Variants in PDGFD observed in about 807,000 individuals in gnomAD.
PDGFD encodes platelet-derived growth factor D.
Under a neutral mutation model 44.7 loss-of-function variants are expected in PDGFD, and 30 were observed. The ratio of observed to expected loss-of-function variants is 0.67; its 90% confidence interval spans 0.50 to 0.91. The LOEUF is 0.91. Ranked by LOEUF, PDGFD falls within the 40% of genes least tolerant of loss-of-function variation. The pLI, the probability that PDGFD is intolerant of heterozygous loss-of-function variation, is 0.00. For missense variants in PDGFD, 445 were observed against 457.8 expected, an observed-to-expected ratio of 0.97 and a Z score of 0.25; for synonymous variants, 173 against 168.4, an observed-to-expected ratio of 1.03 and a Z score of -0.21.
rs759734137 is a variant in PDGFD at position 104,141,334 on chromosome 11, A to AT, written c.124+22469dup. Among the ~76,000 whole-genome samples the AT allele has an allele frequency of 9.2e-5, 14 of 152,046 alleles. No individual in the cohort carries two copies. In the East Asian group the frequency reaches 2.5e-3, roughly 27 times the overall value. ...CTTAGATGGCAAAAGATGAGATTTA[A>AT]TTTTTTTTGTGCTTGCTTCGGCAGC... On this transcript the variant is annotated intron_variant, in intron 1 of 6. Coordinates refer to ENST00000393158, the MANE Select transcript of PDGFD (RefSeq NM_025208.5).
chr11:104,036,754 C>A, intron 1 of PDGFD: 3 of 1,298,640 alleles, frequency 2.3e-6, no homozygotes, highest in Non-Finnish European at 3.3e-6. Flanking sequence ...ACCAACGACG[C>A]AGGCCCGCCC....
At chr11:104,132,277 C>T (rs1043666223) in intron 1 of PDGFD, among the ~76,000 whole-genome samples, 7 of 152,052 alleles carry the variant, frequency 4.6e-5, no homozygotes, top group African/African-American at 1.7e-4. Flanking sequence ...TGAAACCTTG[C>T]ATATTTTTAA....
In PDGFD at chr11:104,097,741, T is replaced by C. The variant is rs141239067; in HGVS notation, c.124+66063A>G. 5.3e-3 allele frequency among the ~76,000 whole-genome samples: 814 copies of C among 152,296 alleles called. 4 individuals carry two copies. The highest frequency in any genetic ancestry group is 7.9e-3 in the Non-Finnish European group (537 of 68,022). On this transcript the variant is annotated intron_variant, in intron 1 of 6. Coordinates refer to ENST00000393158, the MANE Select transcript of PDGFD (RefSeq NM_025208.5). ...GAAGAAGATGCAGCTGTTATCCTCC[T>C]TTTACATATGAAGAAATGGAGGCTT...
At chr11:103,931,322 TCTC>T (rs1858395816) in intron 5 of PDGFD, among the ~76,000 whole-genome samples, 1 of 152,126 alleles carries the variant, frequency 6.6e-6, no homozygotes, top group Non-Finnish European at 1.5e-5. Context: ...AACAAAATAA[TCTC>T]CTCACTTTGA....
chr11:104,027,544 C>T (rs1220353544), intron 1 of PDGFD, among the ~76,000 whole-genome samples: 2 of 152,260 alleles, frequency 1.3e-5, no homozygotes, highest in African/African-American at 4.8e-5. Context: ...TAATGAGGCT[C>T]GGATAAATTA....
At chr11:103,996,780 C>A (rs1455730070) in intron 2 of PDGFD, among the ~76,000 whole-genome samples, 3 of 152,128 alleles carry the variant, frequency 2.0e-5, no homozygotes, top group Non-Finnish European at 4.4e-5. Context: ...TGGAAACGAT[C>A]TTTTGGAATG....
intron 1 of PDGFD, among the ~76,000 whole-genome samples, chr11:104,160,638 A>T (rs568096917): frequency 6.6e-6 from 1 of 152,320 alleles, no homozygotes; most frequent in East Asian, 1.9e-4. Flanking sequence ...AAATGTAAAC[A>T]TTCTATTAAG....
chr11:104,038,123 C>T (rs1333033644), intron 1 of PDGFD: 4 of 1,167,446 alleles, frequency 3.4e-6, no homozygotes, highest in Non-Finnish European at 4.8e-6. Flanking sequence ...AACAACTAAA[C>T]CTGGCCTTGG....
At position 103,998,795 on chromosome 11, in the gene PDGFD, A is replaced by T. The variant is rs144456167; in HGVS notation, c.329+1256T>A. Among the ~76,000 whole-genome samples, 799 of 152,224 alleles carry T rather than the reference A, an allele frequency of 5.2e-3. 10 individuals are homozygous for T. Among genetic ancestry groups the T allele is most frequent in the African/African-American group, 0.018 (749 of 41,510 alleles). The stretch of plus-strand genomic sequence containing the variant: ...TGACACTGATTCCAGGTAGTGTCTG[A>T]ATTGAATTGAATAGGACAAAACAAG... On this transcript the variant is annotated intron_variant, in intron 2 of 6. Coordinates refer to ENST00000393158, the MANE Select transcript of PDGFD (RefSeq NM_025208.5).
chr11:103,970,868 A>T (rs1859093495), intron 3 of PDGFD, among the ~76,000 whole-genome samples: 1 of 152,132 alleles, frequency 6.6e-6, no homozygotes, highest in South Asian at 2.1e-4. Flanking sequence ...TCCCAATAGT[A>T]ATATCTATTA....
At chr11:104,097,479 T>C (rs1212759489) in intron 1 of PDGFD, among the ~76,000 whole-genome samples, 4 of 152,204 alleles carry the variant, frequency 2.6e-5, no homozygotes, top group African/African-American at 4.8e-5. Context: ...CACCTACCAG[T>C]TGGGGTTGCT....
chr11:103,941,942 A>C (rs1858590825), intron 5 of PDGFD, among the ~76,000 whole-genome samples: 1 of 152,128 alleles, frequency 6.6e-6, no homozygotes, highest in Admixed American at 6.6e-5. Flanking sequence ...CTTACAGAAA[A>C]GCAATTTTTT....
At chr11:104,103,248 CTTA>C (rs1160106424) in intron 1 of PDGFD, among the ~76,000 whole-genome samples, 1 of 151,934 alleles carries the variant, frequency 6.6e-6, no homozygotes, top group Non-Finnish European at 1.5e-5. Flanking sequence ...TGAGTTCTGG[CTTA>C]CTACAAGGGC....
intron 1 of PDGFD, among the ~76,000 whole-genome samples, chr11:104,066,223 T>C (rs552049159): frequency 1.0e-3 from 154 of 152,280 alleles, no homozygotes; most frequent in African/African-American, 3.3e-3. Context: ...TAAGCCATGA[T>C]TTGTTAAAAT....
rs550162614 is a variant in PDGFD at position 104,037,477 on chromosome 11, C to T, written c.125-37222G>A. 1.6e-5 allele frequency: 26 copies of T among 1,614,068 alleles called. No individual in the cohort carries two copies. In the East Asian group the frequency reaches 5.1e-4, roughly 32 times the overall value. ...TCAGGCCAAAATAGAAGAGGAAATCCGGCAGCAAAACATTGAAGAAAACAT... is the reference window on the plus strand; with the variant it reads ...TCAGGCCAAAATAGAAGAGGAAATCTGGCAGCAAAACATTGAAGAAAACAT... On this transcript the variant is annotated intron_variant, in intron 1 of 6. Coordinates refer to ENST00000393158, the MANE Select transcript of PDGFD (RefSeq NM_025208.5).
At chr11:104,082,995 C>A (rs1354283763) in intron 1 of PDGFD, among the ~76,000 whole-genome samples, 1 of 152,138 alleles carries the variant, frequency 6.6e-6, no homozygotes, top group African/African-American at 2.4e-5. Flanking sequence ...CGGTCACCAT[C>A]TTCCTTAATG....
intron 1 of PDGFD, among the ~76,000 whole-genome samples, chr11:104,027,913 G>T (rs1467713012): frequency 1.3e-5 from 2 of 152,080 alleles, no homozygotes; most frequent in Non-Finnish European, 2.9e-5. Flanking sequence ...AGCATAGGCC[G>T]GGCGCGGTGG....
At chr11:104,063,908 A>G (rs1312824400) in intron 1 of PDGFD, among the ~76,000 whole-genome samples, 3 of 152,166 alleles carry the variant, frequency 2.0e-5, no homozygotes, top group Non-Finnish European at 4.4e-5. Flanking sequence ...TCAGCAGAGA[A>G]GGAGAGTACA....
At chr11:104,086,043 C>T (rs1182529184) in intron 1 of PDGFD, among the ~76,000 whole-genome samples, 1 of 152,162 alleles carries the variant, frequency 6.6e-6, no homozygotes, top group Non-Finnish European at 1.5e-5. Context: ...GCCTTTACTA[C>T]CTTTTGAAAG....
Sources: allele counts gnomAD v4.1 joint callset (sites outside exome capture counted in the v4.1 genomes callset), GRCh38; gene constraint gnomAD v4.1.1; transcripts MANE v1.5; gene names NCBI Gene and HGNC (gene_info 2026-07-23, HGNC 2026-07-21).